The following STAU2 variants were observed in gnomAD, a reference collection of about 807,000 sequenced individuals.
The protein encoded by STAU2 is double-stranded RNA-binding protein Staufen homolog 2.
STAU2 carries 20 observed loss-of-function variants against 65.9 expected under a neutral mutation model. The observed-to-expected ratio is 0.30, with a 90% CI of 0.21 to 0.44. The LOEUF is 0.44. Ranked by LOEUF, STAU2 falls within the 20% of genes least tolerant of loss-of-function variation. The pLI, the probability that STAU2 is intolerant of heterozygous loss-of-function variation, is 1.00. For synonymous variants in STAU2, 232 were observed against 233.9 expected, an observed-to-expected ratio of 0.99 and a Z score of 0.07; for missense variants, 558 against 683.9, an observed-to-expected ratio of 0.82 and a Z score of 2.05.
intron 13 of STAU2, among the ~76,000 whole-genome samples, chr8:73,522,807 T>C (rs1823111567): frequency 6.6e-6 from 1 of 152,158 alleles, no homozygotes; most frequent in Non-Finnish European, 1.5e-5. Context: ...TGGATGAGAA[T>C]TCAGGGTTTC....
intron 13 of STAU2, among the ~76,000 whole-genome samples, chr8:73,484,608 C>A (rs1213387047): frequency 6.6e-6 from 1 of 151,970 alleles, no homozygotes; most frequent in Non-Finnish European, 1.5e-5. Flanking sequence ...AAAAGTATAA[C>A]AAAAATATCT....
chr8:73,529,000 G>A (rs1257627527), intron 13 of STAU2, among the ~76,000 whole-genome samples: 1 of 152,036 alleles, frequency 6.6e-6, no homozygotes, highest in African/African-American at 2.4e-5. Flanking sequence ...CATTTTCCCT[G>A]GAGGTAGGGA....
Position 73,421,432 on chromosome 8 carries a change from A to G in STAU2, c.1653T>C (p.Asn551=), listed in dbSNP as rs1268109775. 1.3e-6 allele frequency: 2 copies of G among 1,537,080 alleles called. No homozygotes were observed. The highest frequency in any genetic ancestry group is 1.7e-6 in the Non-Finnish European group (2 of 1,146,914). ...QAKHLREKAD[N]NQAPPGSIAQ... Reference sequence around the variant, plus strand: ...CGATGGAGCCCGGGGGTGCCTGGTTATTGTCCGCTTTCTCTCTCAGATGCT... The same window carrying G: ...CGATGGAGCCCGGGGGTGCCTGGTTGTTGTCCGCTTTCTCTCTCAGATGCT... The change falls in exon 15 of 15, where the codon AAT becomes AAC. Residue 551 remains asparagine (N), a synonymous_variant. Coordinates refer to ENST00000524300, the MANE Select transcript of STAU2 (RefSeq NM_001164380.2).
At chr8:73,483,263 A>G (rs1265355244) in intron 13 of STAU2, among the ~76,000 whole-genome samples, 2 of 152,136 alleles carry the variant, frequency 1.3e-5, no homozygotes, top group African/African-American at 4.8e-5. Context: ...TAAAACCAAA[A>G]AGCATGTCCA....
intron 4 of STAU2, chr8:73,697,199 G>T (rs935386283): frequency 6.6e-6 from 1 of 152,116 alleles, no homozygotes; most frequent in East Asian, 1.9e-4. Flanking sequence ...GATTACAGGC[G>T]TGCACCACCA....
chr8:73,456,775 G>A (rs1385524204), intron 13 of STAU2, among the ~76,000 whole-genome samples: 4 of 152,142 alleles, frequency 2.6e-5, no homozygotes, highest in Admixed American at 6.5e-5. Context: ...TTCAAGTATA[G>A]AAAAATGTAT....
intron 13 of STAU2, among the ~76,000 whole-genome samples, chr8:73,424,613 A>C (rs1226571543): frequency 6.6e-6 from 1 of 152,108 alleles, no homozygotes; most frequent in Non-Finnish European, 1.5e-5. Context: ...CACTTATTGA[A>C]GGACATCTTG....
intron 13 of STAU2, among the ~76,000 whole-genome samples, chr8:73,468,982 G>A (rs1162378458): frequency 6.6e-6 from 1 of 151,830 alleles, no homozygotes; most frequent in Non-Finnish European, 1.5e-5. Flanking sequence ...TATAAATCAT[G>A]CTGCTATAAA....
intron 13 of STAU2, among the ~76,000 whole-genome samples, chr8:73,543,004 T>C (rs1279482587): frequency 3.9e-5 from 6 of 152,188 alleles, no homozygotes. Flanking sequence ...GCTTTATTTA[T>C]AATGGCCCCA....
At chr8:73,632,076 A>G (rs1250414483) in intron 6 of STAU2, among the ~76,000 whole-genome samples, 1 of 152,108 alleles carries the variant, frequency 6.6e-6, no homozygotes, top group Non-Finnish European at 1.5e-5. Flanking sequence ...GAGCAAGAGA[A>G]CAAGGGCAAA....
chr8:73,427,980 C>A (rs1161184735), intron 13 of STAU2, among the ~76,000 whole-genome samples: 1 of 152,196 alleles, frequency 6.6e-6, no homozygotes, highest in East Asian at 1.9e-4. Flanking sequence ...GATGACAACA[C>A]CTGAAATATA....
intron 13 of STAU2, among the ~76,000 whole-genome samples, chr8:73,545,713 T>A (rs1236017452): frequency 1.3e-5 from 2 of 151,632 alleles, no homozygotes; most frequent in Non-Finnish European, 2.9e-5. Context: ...AGTGGTGCAA[T>A]CTTGGCTCAC....
At chr8:73,654,726 G>A (rs1172319105) in intron 6 of STAU2, among the ~76,000 whole-genome samples, 8 of 109,504 alleles carry the variant, frequency 7.3e-5, no homozygotes, top group East Asian at 2.9e-4. Flanking sequence ...TCGCTCTGTC[G>A]CCCAGGCTGG....
At chr8:73,701,457 CAACA>C (rs150065012) in intron 4 of STAU2, among the ~76,000 whole-genome samples, 1,943 of 151,464 alleles carry the variant, frequency 0.013, 46 homozygotes, top group African/African-American at 0.044. Flanking sequence ...CCAATTTAAA[CAACA>C]AACAGGTATA....
chr8:73,422,736 C>G, intron 13 of STAU2, 34 bp from the exon 14 acceptor site: 1 of 1,362,866 alleles, frequency 7.3e-7, no homozygotes, highest in Non-Finnish European at 9.7e-7. Flanking sequence ...GAGCCATTCA[C>G]TGACTCTAGT....
chr8:73,531,394 T>C (rs925947557), intron 13 of STAU2, among the ~76,000 whole-genome samples: 1 of 152,172 alleles, frequency 6.6e-6, no homozygotes. Context: ...TCATTCTGTG[T>C]TATATCCCCA....
At chr8:73,639,547 C>T (rs1266708823) in intron 6 of STAU2, among the ~76,000 whole-genome samples, 2 of 152,056 alleles carry the variant, frequency 1.3e-5, no homozygotes, top group Admixed American at 6.5e-5. Flanking sequence ...GTACTTGGTA[C>T]CCTCATGCTC....
chr8:73,742,010 A>G (rs949136353), intron 1 of STAU2, among the ~76,000 whole-genome samples: 1 of 152,244 alleles, frequency 6.6e-6, no homozygotes, highest in Admixed American at 6.5e-5. Flanking sequence ...TCTGAAAATT[A>G]TACTTTTTTA....
chr8:73,619,263 C>T (rs1178434194), intron 6 of STAU2, among the ~76,000 whole-genome samples: 3 of 152,046 alleles, frequency 2.0e-5, no homozygotes, highest in African/African-American at 7.2e-5. Flanking sequence ...GGATCTAATG[C>T]TACTAACAGG....
Sources: allele counts gnomAD v4.1 joint callset (sites outside exome capture counted in the v4.1 genomes callset), GRCh38; gene constraint gnomAD v4.1.1; transcripts MANE v1.5; gene names NCBI Gene and HGNC (gene_info 2026-07-23, HGNC 2026-07-21).